Variants in ZSWIM6 observed in about 807,000 individuals in gnomAD.
ZSWIM6 encodes the protein zinc finger SWIM-type containing 6.
A neutral mutation model predicts 113.2 loss-of-function variants in ZSWIM6; 9 were observed. That is an observed-to-expected ratio of 0.08 (90% CI 0.05 to 0.14). The LOEUF (loss-of-function observed/expected upper bound fraction) is 0.14. ZSWIM6 is among the 10% of genes least tolerant of loss of function. The probability of loss-of-function intolerance (pLI) is 1.00; values close to 1 mark genes in which losing one functional copy is unlikely to be tolerated. For synonymous variants in ZSWIM6, 611 were observed against 606.5 expected (o/e 1.01, Z -0.11); for missense variants, 1,162 against 1,552.2 (o/e 0.75, Z 4.22).
rs547184836 is a variant in ZSWIM6 at position 61,490,019 on chromosome 5, A to AT, written c.1034-758dup. ...TGAGGATGAACAGTTTTTAGATCTA[A>AT]TTTTTTTTTGTATTACTTATGAATC... On this transcript the variant is annotated intron_variant, in intron 2 of 13. Transcript: ENST00000252744. Among the ~76,000 whole-genome samples the AT allele has an allele frequency of 3.7e-4, 56 of 151,546 alleles. No homozygotes were observed. In the South Asian group the frequency reaches 9.0e-3, roughly 24 times the overall value.
At chr5:61,526,191 TC>T in intron 6 of ZSWIM6, 58 bp from the exon 7 acceptor site, 2 of 1,495,956 alleles carry the variant, frequency 1.3e-6, no homozygotes, top group East Asian at 5.0e-5. Context: ...ACTATTAAAT[TC>T]TTTTTTTATG....
chr5:61,371,733 T>A (rs1449608749), intron 1 of ZSWIM6, among the ~76,000 whole-genome samples: 1 of 152,112 alleles, frequency 6.6e-6, no homozygotes, highest in African/African-American at 2.4e-5. Context: ...GTGTGCTGTG[T>A]ATGTGCCTCA....
intron 2 of ZSWIM6, among the ~76,000 whole-genome samples, chr5:61,487,146 G>A (rs1318424441): frequency 6.6e-6 from 1 of 151,964 alleles, no homozygotes; most frequent in East Asian, 1.9e-4. Flanking sequence ...TATTGAAAAG[G>A]GCATCCTTTC....
At chr5:61,518,448 C>T (rs1460535290) in intron 4 of ZSWIM6, among the ~76,000 whole-genome samples, 1 of 151,486 alleles carries the variant, frequency 6.6e-6, no homozygotes, top group Non-Finnish European at 1.5e-5. Context: ...TCTCCAGCAC[C>T]TGTTGTTTCC....
intron 1 of ZSWIM6, among the ~76,000 whole-genome samples, chr5:61,371,878 T>TA (rs1379832901): frequency 2.6e-5 from 4 of 152,286 alleles, no homozygotes; most frequent in Middle Eastern, 3.4e-3. Context: ...AATATTTTGA[T>TA]AAAGTATATT....
intron 4 of ZSWIM6, among the ~76,000 whole-genome samples, chr5:61,500,838 C>T (rs1013895001): frequency 2.6e-5 from 4 of 152,056 alleles, no homozygotes; most frequent in African/African-American, 9.7e-5. Flanking sequence ...GGTAAGGAGC[C>T]GGTGAAGACC....
rs1384012687 is a variant in ZSWIM6 at position 61,526,493 on chromosome 5, C to T, written c.1837+97C>T. ...GGAGAGATGGCTTTTAGAACTAAAACCATAGATGATGGCTTTACTCGCCAT... is the reference window on the plus strand; with the variant it reads ...GGAGAGATGGCTTTTAGAACTAAAATCATAGATGATGGCTTTACTCGCCAT... On this transcript the variant is annotated intron_variant, in intron 7 of 13. Transcript: ENST00000252744. 6 of 1,355,338 alleles carry T rather than the reference C, an allele frequency of 4.4e-6. No homozygotes were observed. The African/African-American group carries it at 6.0e-5, about 14-fold the overall frequency. The allele number at this position is 1,355,338 out of a possible 1,614,324, so 84.0% of individuals were successfully genotyped here. A position where few individuals can be genotyped will look rare whatever the true frequency, so the allele number is the denominator to read the frequency against.
chr5:61,504,946 T>C (rs1314734532), intron 4 of ZSWIM6, among the ~76,000 whole-genome samples: 1 of 152,186 alleles, frequency 6.6e-6, no homozygotes, highest in Non-Finnish European at 1.5e-5. Context: ...CCTGGACAGC[T>C]TAAGACAACT....
chr5:61,487,638 T>G (rs979677996), intron 2 of ZSWIM6, among the ~76,000 whole-genome samples: 3 of 152,038 alleles, frequency 2.0e-5, no homozygotes, highest in African/African-American at 7.2e-5. Flanking sequence ...GTATTTTATT[T>G]TGTTTTTTGG....
chr5:61,537,559 T>TA (rs11416812), intron 10 of ZSWIM6, among the ~76,000 whole-genome samples: 53,232 of 147,776 alleles, frequency 0.36, 9,608 homozygotes, highest in African/African-American at 0.42. Flanking sequence ...TATTCTGAGT[T>TA]AAAAAAAAAA....
intron 1 of ZSWIM6, among the ~76,000 whole-genome samples, chr5:61,437,171 A>G (rs1746726357): frequency 6.6e-6 from 1 of 152,220 alleles, no homozygotes; most frequent in South Asian, 2.1e-4. Flanking sequence ...GGAACTTGTA[A>G]AAGGTAGAGT....
intron 1 of ZSWIM6, among the ~76,000 whole-genome samples, chr5:61,470,803 A>G (rs1425743769): frequency 6.6e-6 from 1 of 152,228 alleles, no homozygotes; most frequent in East Asian, 1.9e-4. Flanking sequence ...TTCATTGGAT[A>G]AAGATTATTG....
chr5:61,350,346 T>C (rs141881099), intron 1 of ZSWIM6, among the ~76,000 whole-genome samples: 21 of 152,304 alleles, frequency 1.4e-4, no homozygotes, highest in African/African-American at 4.8e-4. Context: ...CTATGTGCAC[T>C]TGTGTGTATA....
At chr5:61,511,919 G>T (rs1286443360) in intron 4 of ZSWIM6, among the ~76,000 whole-genome samples, 3 of 152,112 alleles carry the variant, frequency 2.0e-5, no homozygotes, top group Admixed American at 2.0e-4. Flanking sequence ...AATAAATGGT[G>T]ACTATTAATG....
intron 2 of ZSWIM6, among the ~76,000 whole-genome samples, chr5:61,478,189 A>G (rs1747757547): frequency 6.6e-6 from 1 of 152,228 alleles, no homozygotes; most frequent in African/African-American, 2.4e-5. Context: ...ATAATTAGCA[A>G]ATATATTCTG....
chr5:61,369,081 G>A (rs1745215105), intron 1 of ZSWIM6, among the ~76,000 whole-genome samples: 1 of 152,170 alleles, frequency 6.6e-6, no homozygotes, highest in Admixed American at 6.5e-5. Context: ...AAACTATAGA[G>A]TGTTTACACA....
chr5:61,358,344 T>G (rs1744963036), intron 1 of ZSWIM6, among the ~76,000 whole-genome samples: 1 of 152,204 alleles, frequency 6.6e-6, no homozygotes, highest in Non-Finnish European at 1.5e-5. Context: ...TAAGTTAATG[T>G]TTTTTTCCAG....
Position 61,540,916 on chromosome 5 carries a change from GT to G in ZSWIM6, c.2704-947del, listed in dbSNP as rs34749703. On this transcript the variant is annotated intron_variant, in intron 12 of 13. Coordinates refer to ENST00000252744, the MANE Select transcript of ZSWIM6 (RefSeq NM_020928.2). Reference sequence around the variant, plus strand: ...TATGATGTCCCTGGATATTTTGTGGGTTTTTTTTTTTTTTTTTTTTTGTTGT... The same window carrying G: ...TATGATGTCCCTGGATATTTTGTGGGTTTTTTTTTTTTTTTTTTTTGTTGT... Among the ~76,000 whole-genome samples the G allele has an allele frequency of 3.4e-3, 326 of 94,580 alleles. 1 individual carries two copies. The highest frequency in any genetic ancestry group is 0.013 in the East Asian group (49 of 3,800). The allele number at this position is 94,580 out of a possible 152,430, so 62.0% of individuals were successfully genotyped here. A position where few individuals can be genotyped will look rare whatever the true frequency, so the allele number is the denominator to read the frequency against.
At chr5:61,522,089 G>GTTT (rs1561276852) in intron 5 of ZSWIM6, among the ~76,000 whole-genome samples, 1 of 148,276 alleles carries the variant, frequency 6.7e-6, no homozygotes, top group Non-Finnish European at 1.5e-5. Flanking sequence ...TGTTTTTTTT[G>GTTT]TTTGTTTTTT....
Sources: gnomAD v4.1 joint callset for allele counts (sites outside exome capture counted in the v4.1 genomes callset) on GRCh38, gnomAD v4.1.1 for gene constraint, MANE v1.5 for transcripts, NCBI Gene and HGNC (gene_info 2026-07-23, HGNC 2026-07-21) for gene names.